Variants in KLK8 observed in about 807,000 individuals in gnomAD.
KLK8 encodes the protein kallikrein related peptidase 8, also known as kallikrein-8.
Under a neutral mutation model 26.7 loss-of-function variants are expected in KLK8, and 18 were observed. That is an observed-to-expected ratio of 0.67 (90% confidence interval 0.47 to 1.00). KLK8 has a LOEUF of 1.00. KLK8 is among the 50% of genes least tolerant of loss of function. KLK8 has a pLI of 0.00. For missense variants in KLK8, 301 were observed against 331.7 expected, an observed-to-expected ratio of 0.91 and a Z score of 0.72; for synonymous variants, 137 against 127.1, an observed-to-expected ratio of 1.08 and a Z score of -0.52.
chr19:50,997,899 G>T lies in KLK8; in HGVS notation c.494-15C>A, dbSNP rs773787466. The T allele has an allele frequency of 6.2e-7, 1 of 1,613,722 alleles. No individual in the cohort carries two copies. The highest frequency in any genetic ancestry group is 1.1e-5 in the South Asian group (1 of 91,084). Reference sequence around the variant, plus strand: ...AGGAAAATTCTCTGAGGGGGAAGAGGTTGTAAGGTTCCCTGAGAGAGCAGC... The same window carrying T: ...AGGAAAATTCTCTGAGGGGGAAGAGTTTGTAAGGTTCCCTGAGAGAGCAGC... On this transcript the variant is annotated splice_polypyrimidine_tract_variant and intron_variant, in intron 5 of 6. Transcript: ENST00000600767.
At chr19:50,999,975 A>G (rs746610046) in intron 5 of KLK8, 21 bp downstream of exon 4, 60 of 1,572,644 alleles carry the variant, frequency 3.8e-5, no homozygotes, top group Non-Finnish European at 5.0e-5. Context: ...TCTCCCTCCC[A>G]TTAGTGGACA....
At chr19:50,996,927 CACACA>C (rs1568554327) in intron 6 of KLK8, among the ~76,000 whole-genome samples, 4 of 150,708 alleles carry the variant, frequency 2.7e-5, no homozygotes, top group African/African-American at 9.8e-5. Context: ...CACACACACA[CACACA>C]CACACACCAT....
intron 2 of KLK8, among the ~76,000 whole-genome samples, 173 bp from the exon 2 acceptor site, chr19:51,001,348 C>T (rs573893788): frequency 2.6e-5 from 4 of 151,750 alleles, no homozygotes; most frequent in Non-Finnish European, 5.9e-5. Context: ...GGGGGGAGTC[C>T]TCGATGTCTG....
chr19:51,000,830 G>GT (rs1568556533), intron 3 of KLK8: 2 of 1,099,326 alleles, frequency 1.8e-6, no homozygotes, highest in Non-Finnish European at 2.5e-6. Context: ...GTACTCCCAG[G>GT]TGAATCTATG....
chr19:50,996,065 C>G lies in KLK8; in HGVS notation c.777G>C (p.Lys259Asn), dbSNP rs138499374. ...TCTAGTGCTTATCCTAGAATCAGCC[C>G]TTGCTGCCTATGATCTTCTTGATCC... Residue 259 changes from lysine (K) to asparagine (N), a missense_variant, in exon 7 of 7, where the codon AAG becomes AAC. Coordinates refer to ENST00000600767, the Ensembl canonical transcript of KLK8. 5.3e-5 allele frequency: 85 copies of G among 1,614,160 alleles called. No individual in the cohort carries two copies. The East Asian group carries it at 1.9e-3, about 36-fold the overall frequency.
intron 3 of KLK8, chr19:51,000,837 T>C: frequency 9.3e-7 from 1 of 1,075,906 alleles, no homozygotes; most frequent in Non-Finnish European, 1.3e-6. Context: ...CAGGTGAATC[T>C]ATGCCCCCAA....
chr19:50,998,668 A>G (rs2091191679), intron 5 of KLK8, among the ~76,000 whole-genome samples: 1 of 152,194 alleles, frequency 6.6e-6, no homozygotes. Context: ...ATCTCATTTA[A>G]TCCTCACAAC....
At position 51,001,292 on chromosome 19, in the gene KLK8, G is replaced by A. The variant is rs973974050; in HGVS notation, c.-8-117C>T. The A allele has an allele frequency of 5.2e-6, 4 of 771,562 alleles. No homozygotes were observed. In the East Asian group the frequency reaches 8.1e-5, roughly 16 times the overall value. The allele number at this position is 771,562 out of a possible 1,614,324, so 47.8% of individuals were successfully genotyped here. On this transcript the variant is annotated intron_variant, in intron 2 of 6. Coordinates refer to ENST00000600767, the Ensembl canonical transcript of KLK8. ...ATCTGGGGCTGTTCTGGGCTTCTCT[G>A]GAGGAAGGAGGAGGCTGGGGGACTG... is the stretch of plus-strand genomic sequence containing the variant.
chr19:50,996,049 T>C (rs2122304105), exon 7 of KLK8: 1 of 1,613,882 alleles, frequency 6.2e-7, no homozygotes, highest in Non-Finnish European at 8.5e-7. Context: ...ATCTAGTGCT[T>C]ATCCTAGAAT....
intron 5 of KLK8, 49 bp from the exon 5 acceptor site, chr19:50,997,933 T>A: frequency 6.2e-7 from 1 of 1,607,986 alleles, no homozygotes. Flanking sequence ...GCCCTTTGCC[T>A]CCATCCCTGT....
intron 2 of KLK8, among the ~76,000 whole-genome samples, 175 bp downstream of exon 1, chr19:51,001,357 T>G (rs1054336789): frequency 6.6e-6 from 1 of 151,920 alleles, no homozygotes. Flanking sequence ...CCTCGATGTC[T>G]GGGTCTGAGG....
rs753966081 is a variant in KLK8 at position 50,996,064 on chromosome 19, C to T, written c.778G>A (p.Gly260Ser). 6 of 1,614,084 alleles carry T rather than the reference C, an allele frequency of 3.7e-6. No individual in the cohort carries two copies. The South Asian group carries it at 4.4e-5, about 12-fold the overall frequency. The change falls in exon 7 of 7, where the codon GGC becomes AGC. Residue 260 changes from glycine to serine, a missense_variant. Gly to Ser is a moderately conservative substitution (Grantham distance 56). Transcript: ENST00000600767. The stretch of plus-strand genomic sequence containing the variant: ...ATCTAGTGCTTATCCTAGAATCAGC[C>T]CTTGCTGCCTATGATCTTCTTGATC...
At chr19:50,996,929 CA>C (rs1224394543) in intron 6 of KLK8, among the ~76,000 whole-genome samples, 5,167 of 149,884 alleles carry the variant, frequency 0.034, 151 homozygotes, top group African/African-American at 0.08. Context: ...CACACACACA[CA>C]CACACACACC....
At chr19:50,996,671 G>A (rs941500309) in intron 6 of KLK8, among the ~76,000 whole-genome samples, 1 of 150,114 alleles carries the variant, frequency 6.7e-6, no homozygotes, top group African/African-American at 2.5e-5. Flanking sequence ...GGCAGAGGCT[G>A]CAGTGAGCCA....
rs1322063138 is a variant in KLK8, at chr19:51,000,407, C to G, written c.230+17G>C. 4 of 1,593,360 alleles carry G rather than the reference C, an allele frequency of 2.5e-6. No individual in the cohort carries two copies. The highest frequency in any genetic ancestry group is 2.3e-5 in the South Asian group (2 of 87,314). The stretch of plus-strand genomic sequence containing the variant: ...TCCTTAAGCCCCAGCTGACCTCTGC[C>G]CCCATCATCCACTCACGGTTTTTTA... On this transcript the variant is annotated intron_variant, in intron 4 of 6. Coordinates refer to ENST00000600767, the Ensembl canonical transcript of KLK8.
At chr19:50,996,746 A>G (rs930542312) in intron 6 of KLK8, among the ~76,000 whole-genome samples, 5 of 151,486 alleles carry the variant, frequency 3.3e-5, no homozygotes, top group African/African-American at 1.2e-4. Context: ...AAAAAAAAAA[A>G]AGAGTTCTCG....
At chr19:51,000,006 G>A in exon 5 of KLK8, 3 of 1,595,750 alleles carry the variant, frequency 1.9e-6, no homozygotes, top group Non-Finnish European at 2.6e-6. Context: ...CTCGGGGACT[G>A]GTGACAGTGC....
exon 4 of KLK8, chr19:51,000,481 C>T: frequency 6.2e-7 from 1 of 1,614,002 alleles, no homozygotes; most frequent in Non-Finnish European, 8.5e-7. Flanking sequence ...GACACCGCCA[C>T]AGAGTAGTTG....
exon 4 of KLK8, chr19:51,000,581 G>C: frequency 6.2e-7 from 1 of 1,613,874 alleles, no homozygotes. Context: ...GCCCTGGAGT[G>C]TCCTGCAGCA....
Sources: gnomAD v4.1 joint callset for allele counts (sites outside exome capture counted in the v4.1 genomes callset) on GRCh38, gnomAD v4.1.1 for gene constraint, MANE v1.5 for transcripts, NCBI Gene and HGNC (gene_info 2026-07-23, HGNC 2026-07-21) for gene names.